The following PLXNA2 variants were observed in gnomAD, a reference collection of about 807,000 sequenced individuals.
PLXNA2 encodes plexin A2, also known as plexin-A2.
PLXNA2 carries 91 observed loss-of-function variants against 193.5 expected under a neutral mutation model. The ratio of observed to expected loss-of-function variants is 0.47; its 90% confidence interval spans 0.40 to 0.56. The LOEUF (loss-of-function observed/expected upper bound fraction) is 0.56. Among genes scored for constraint, PLXNA2 ranks in the 20% least tolerant of loss-of-function variants. The pLI, the probability that PLXNA2 is intolerant of heterozygous loss-of-function variation, is 0.00. For synonymous variants in PLXNA2, 997 were observed against 1,027.3 expected, an observed-to-expected ratio of 0.97 and a Z score of 0.56; for missense variants, 1,995 against 2,503.2, an observed-to-expected ratio of 0.80 and a Z score of 4.33.
intron 4 of PLXNA2, among the ~76,000 whole-genome samples, chr1:208,114,803 G>T (rs767650700): frequency 1.2e-4 from 19 of 152,118 alleles, no homozygotes; most frequent in Non-Finnish European, 2.4e-4. Flanking sequence ...TTCCTAGAAG[G>T]CAGTGAGTGA....
intron 3 of PLXNA2, among the ~76,000 whole-genome samples, chr1:208,196,596 G>A (rs1033489702): frequency 6.6e-6 from 1 of 152,174 alleles, no homozygotes; most frequent in Non-Finnish European, 1.5e-5. Flanking sequence ...AGGGTCCTGA[G>A]AATTGAATTG....
intron 13 of PLXNA2, 132 bp downstream of exon 13, chr1:208,060,554 C>G: frequency 1.1e-6 from 1 of 891,046 alleles, no homozygotes; most frequent in Non-Finnish European, 1.7e-6. Flanking sequence ...GGGGAGGCTT[C>G]TGGGGCAGGT....
rs150640241 is a variant in PLXNA2, at chr1:208,075,086, G to A, written c.2586+4174C>T. 4.1e-4 allele frequency among the ~76,000 whole-genome samples: 63 copies of A among 152,262 alleles called. No individual in the cohort carries two copies. The East Asian group carries it at 4.6e-3, about 11-fold the overall frequency. On this transcript the variant is annotated intron_variant, in intron 12 of 31. Transcript: ENST00000367033. The stretch of plus-strand genomic sequence containing the variant: ...AGCACTTTGGGAAGTTGAGGTGGGC[G>A]GATCACCTGAGGTCAGGAGTTTGAG...
chr1:208,232,550 A>T (rs1671722916), intron 1 of PLXNA2, among the ~76,000 whole-genome samples: 1 of 152,214 alleles, frequency 6.6e-6, no homozygotes, highest in Non-Finnish European at 1.5e-5. Flanking sequence ...TCTTACTGTC[A>T]TTTAAATTTC....
At chr1:208,062,654 C>A (rs1665654809) in intron 12 of PLXNA2, among the ~76,000 whole-genome samples, 1 of 152,088 alleles carries the variant, frequency 6.6e-6, no homozygotes, top group Non-Finnish European at 1.5e-5. Flanking sequence ...TAAAATATCC[C>A]CCTTATGAAT....
intron 17 of PLXNA2, among the ~76,000 whole-genome samples, 180 bp downstream of exon 17, chr1:208,050,828 TA>T (rs78166274): frequency 1.8e-3 from 259 of 145,662 alleles, no homozygotes; most frequent in African/African-American, 3.5e-3. Flanking sequence ...GGCCATGTCT[TA>T]AAAAAAAAAA....
intron 1 of PLXNA2, among the ~76,000 whole-genome samples, chr1:208,234,649 C>T (rs1400784845): frequency 2.6e-5 from 4 of 152,224 alleles, no homozygotes; most frequent in Admixed American, 6.5e-5. Flanking sequence ...CTCCTGCTAA[C>T]ACACTCTGTG....
At position 208,217,251 on chromosome 1, in the gene PLXNA2, A is replaced by C. The variant is rs1387434995; in HGVS notation, c.672T>G (p.Ser224=). 1 of 1,613,990 alleles carries C rather than the reference A, an allele frequency of 6.2e-7. No individual in the cohort carries two copies. The highest frequency in any genetic ancestry group is 8.5e-7 in the Non-Finnish European group (1 of 1,180,032). Reference sequence around the variant, plus strand: ...GGGTGTCTGAAGGGATCTTGATGAGAGAGGAGACAAAATCGCTGTGTAGCT... The same window carrying C: ...GGGTGTCTGAAGGGATCTTGATGAGCGAGGAGACAAAATCGCTGTGTAGCT... ...DYELHSDFVS[S]LIKIPSDTLA... is the part of the protein sequence containing the mutation. Residue 224 remains serine (S), a synonymous_variant, in exon 2 of 32, where the codon TCT becomes TCG. Transcript: ENST00000367033. This position sits in a 1 kb window ranked among gnomAD's most constrained non-coding sequence, Gnocchi z 4.7.
In PLXNA2 at chr1:208,038,469, G is replaced by A. The variant is rs1332534760; in HGVS notation, c.4666C>T (p.Arg1556Cys). The change falls in exon 26 of 32, where the codon CGC (arginine) becomes TGC (cysteine). Residue 1556 changes from arginine to cysteine, a missense_variant. By Grantham distance (180) the Arg-to-Cys change is radical. This residue lies in a region of PLXNA2 where 1,291 missense variants were observed against 1,673.6 expected (regional missense o/e 0.77). Transcript: ENST00000367033. This position sits in a 1 kb window ranked among gnomAD's most constrained non-coding sequence, Gnocchi z 4.1. ...ACGACCCGGGCGATCCGGCCTTGGCGCCACTCTGGGTGGAGGGGGTGGTGC... is the reference window on the plus strand; with the variant it reads ...ACGACCCGGGCGATCCGGCCTTGGCACCACTCTGGGTGGAGGGGGTGGTGC... ...PRAVDMDLEW[R>C]QGRIARVVLQ... 2 of 1,613,500 alleles carry A rather than the reference G, an allele frequency of 1.2e-6. No individual in the cohort carries two copies. Among genetic ancestry groups the A allele is most frequent in the Non-Finnish European group, 1.7e-6 (2 of 1,179,452 alleles).
intron 4 of PLXNA2, among the ~76,000 whole-genome samples, chr1:208,124,550 G>C (rs1415095596): frequency 6.6e-6 from 1 of 151,752 alleles, no homozygotes; most frequent in African/African-American, 2.4e-5. Context: ...GTGGTGGCGG[G>C]CGCCTGTAAT....
At chr1:208,078,525 A>G (rs1247004436) in intron 12 of PLXNA2, among the ~76,000 whole-genome samples, 1 of 152,164 alleles carries the variant, frequency 6.6e-6, no homozygotes, top group Non-Finnish European at 1.5e-5. Flanking sequence ...CTTTATTCCT[A>G]GCCACCACCA....
intron 1 of PLXNA2, among the ~76,000 whole-genome samples, chr1:208,232,001 A>T (rs1376871631): frequency 1.3e-5 from 2 of 152,220 alleles, no homozygotes; most frequent in Non-Finnish European, 2.9e-5. Flanking sequence ...GGGTCTAAGG[A>T]GCTGTGACTC....
Position 208,098,954 on chromosome 1 carries a change from G to T in PLXNA2, c.1623C>A (p.Asp541Glu), listed in dbSNP as rs767371793. Residue 541 changes from aspartate to glutamate, a missense_variant, in exon 6 of 32, where the codon GAC (aspartate) becomes GAA (glutamate). Asp to Glu is a conservative substitution (Grantham distance 45). This residue lies in a region of PLXNA2 where 702 missense variants were observed against 812.9 expected (regional missense o/e 0.86). Transcript: ENST00000367033. ...TAGGTTCCCAGGCCTGTTGGCATTT[G>T]TCCCTGCGGGAGCACCTGCCATAAA... ...CALHNMCSRR[D>E]KCQQAWEPNR... 1 of 1,612,064 alleles carries T rather than the reference G, an allele frequency of 6.2e-7. No homozygotes were observed. Among genetic ancestry groups the T allele is most frequent in the Non-Finnish European group, 8.5e-7 (1 of 1,179,522 alleles).
Position 208,137,706 on chromosome 1 carries a change from A to G in PLXNA2, c.1506+4623T>C, listed in dbSNP as rs548463414. On this transcript the variant is annotated intron_variant, in intron 4 of 31. Coordinates refer to ENST00000367033, the MANE Select transcript of PLXNA2 (RefSeq NM_025179.4). ...CCGGTCTTAGATCTATTAACAGTAC[A>G]TTACCATTGACTTGTTAGGCAGTGA... Among the ~76,000 whole-genome samples the G allele has an allele frequency of 4.1e-4, 62 of 152,306 alleles. No individual in the cohort carries two copies. In the Middle Eastern group the frequency reaches 0.01, roughly 25 times the overall value.
At chr1:208,129,873 T>C (rs1286601515) in intron 4 of PLXNA2, among the ~76,000 whole-genome samples, 3 of 152,234 alleles carry the variant, frequency 2.0e-5, no homozygotes, top group Admixed American at 6.5e-5. Flanking sequence ...AATGGCTAAG[T>C]GGCTAGAACA....
At position 208,028,221 on chromosome 1, in the gene PLXNA2, C is replaced by G. The variant is rs914003605; in HGVS notation, c.5439-62G>C. On this transcript the variant is annotated intron_variant, in intron 30 of 31. Coordinates refer to ENST00000367033, the MANE Select transcript of PLXNA2 (RefSeq NM_025179.4). This position sits in a 1 kb window ranked among gnomAD's most constrained non-coding sequence, Gnocchi z 4.2. ...CAGCAAACATTTACCTATAGCTACC[C>G]CGGGCCCAGGTCCTTCGAGGGCACT... is the stretch of plus-strand genomic sequence containing the variant. 26 of 1,503,392 alleles carry G rather than the reference C, an allele frequency of 1.7e-5. 1 individual carries two copies. In the African/African-American group the frequency reaches 2.7e-4, roughly 15 times the overall value. The allele number at this position is 1,503,392 out of a possible 1,614,324, so 93.1% of individuals were successfully genotyped here.
Position 208,027,049 on chromosome 1 carries a change from G to A in PLXNA2, c.*194C>T. The stretch of plus-strand genomic sequence containing the variant: ...TCACTGAGGATGGACGACGCCCACT[G>A]TCTCTCCCAGCTGGAACTGGCTATG... On this transcript the variant is annotated 3_prime_UTR_variant, in exon 32 of 32. Transcript: ENST00000367033. 1 of 532,588 alleles carries A rather than the reference G, an allele frequency of 1.9e-6. No homozygotes were observed. Among genetic ancestry groups the A allele is most frequent in the Non-Finnish European group, 3.4e-6 (1 of 297,826 alleles). 33.0% of individuals were successfully genotyped at this position (532,588 alleles called of 1,614,324 possible). A position where few individuals can be genotyped will look rare whatever the true frequency, so the allele number is the denominator to read the frequency against.
At chr1:208,181,201 C>A (rs1214371373) in intron 3 of PLXNA2, among the ~76,000 whole-genome samples, 1 of 152,192 alleles carries the variant, frequency 6.6e-6, no homozygotes, top group Non-Finnish European at 1.5e-5. Context: ...TCCCATCTAC[C>A]ACTTCCCGAC....
intron 4 of PLXNA2, among the ~76,000 whole-genome samples, chr1:208,136,966 G>A (rs917410230): frequency 6.6e-6 from 1 of 152,182 alleles, no homozygotes; most frequent in African/African-American, 2.4e-5. Flanking sequence ...AATTGCATTA[G>A]GCCCATTACA....
Sources: gnomAD v4.1 joint callset for allele counts (sites outside exome capture counted in the v4.1 genomes callset) on GRCh38, gnomAD v4.1.1 for gene constraint, gnomAD v4.1.1 regional missense constraint, Gnocchi (gnomAD v3.1) non-coding constraint, MANE v1.5 for transcripts, NCBI Gene and HGNC (gene_info 2026-07-23, HGNC 2026-07-21) for gene names.